Variants in SPTA1 observed in about 807,000 individuals in gnomAD.
The protein encoded by SPTA1 is spectrin alpha, erythrocytic 1.
A neutral mutation model predicts 324.7 loss-of-function variants in SPTA1; 177 were observed. That is an observed-to-expected ratio of 0.55 (90% CI 0.48 to 0.62). The LOEUF is 0.62. SPTA1 is among the 20% of genes least tolerant of loss of function. SPTA1 has a pLI of 0.00. For missense variants in SPTA1, 3,162 were observed against 2,883.6 expected (o/e 1.10, Z -2.21); for synonymous variants, 1,195 against 1,041.3 (o/e 1.15, Z -2.84).
At chr1:158,674,480 T>A (rs200325552) in intron 9 of SPTA1, 50 bp from the exon 10 acceptor site, 1 of 1,614,088 alleles carries the variant, frequency 6.2e-7, no homozygotes, top group Middle Eastern at 1.7e-4. Flanking sequence ...AACCTGGCAT[T>A]TCTGGCATTC....
At position 158,651,440 on chromosome 1, in the gene SPTA1, C is replaced by T; in HGVS notation, c.3404G>A (p.Arg1135Lys). The T allele has an allele frequency of 1.1e-5, 17 of 1,613,690 alleles. No homozygotes were observed. Among genetic ancestry groups the T allele is most frequent in the Non-Finnish European group, 1.4e-5 (16 of 1,179,736 alleles). Residue 1135 changes from arginine (R) to lysine (K), a missense_variant, in exon 24 of 52, where the codon AGG becomes AAG. Arg to Lys is a conservative substitution (Grantham distance 26). Coordinates refer to ENST00000643759, the MANE Select transcript of SPTA1 (RefSeq NM_003126.4). The part of the protein sequence containing the change: ...KDLNTNEPRL[R>K]DINKVADDLL... Reference sequence around the variant, plus strand: ...ATCATCAGCTACCTTGTTGATATCCCTTAGCCGAGGCTCATTGGTATTCAA... The same window carrying T: ...ATCATCAGCTACCTTGTTGATATCCTTTAGCCGAGGCTCATTGGTATTCAA...
Position 158,668,187 on chromosome 1 carries a change from G to A in SPTA1, c.1834-125C>T. 8.3e-6 allele frequency: 9 copies of A among 1,085,142 alleles called. No homozygotes were observed. The South Asian group carries it at 1.1e-4, about 13-fold the overall frequency. The allele number at this position is 1,085,142 out of a possible 1,614,324, so 67.2% of individuals were successfully genotyped here. ...CGATGCTAACAAGAAGATAAAAGGG[G>A]GAAGTTTCCTAGTCCAACGTTTGAG... On this transcript the variant is annotated intron_variant, in intron 14 of 51. Transcript: ENST00000643759.
At position 158,644,363 on chromosome 1, in the gene SPTA1, A is replaced by T; in HGVS notation, c.4228T>A (p.Trp1410Arg). 3.1e-6 allele frequency: 5 copies of T among 1,613,896 alleles called. No homozygotes were observed. The highest frequency in any genetic ancestry group is 4.2e-6 in the Non-Finnish European group (5 of 1,179,866). ...AGGGAATTCTCACGTGCCACCATCC[A>T]GCTCTCAACTTGATCACAGTTCCCC... is the stretch of plus-strand genomic sequence containing the variant. ...FQGNCDQVES[W>R]MVARENSLRS... The change falls in exon 30 of 52, where the codon TGG becomes AGG. Residue 1410 changes from tryptophan (W) to arginine (R), a missense_variant. Trp to Arg is a moderately radical substitution (Grantham distance 101, BLOSUM62 -3). Coordinates refer to ENST00000643759, the MANE Select transcript of SPTA1 (RefSeq NM_003126.4).
rs1654820473 is a variant in SPTA1 at position 158,681,632 on chromosome 1, C to A, written c.426G>T (p.Leu142=). ...CCTTCTCCAGGGTCAGCTCTAACAG[C>A]AGGTCCCACAGGTGGCGTAGCTCCT... ...HIEELRHLWD[L]LLELTLEKGD... is the part of the protein sequence containing the mutation. The change falls in exon 4 of 52, where the codon CTG becomes CTT. Residue 142 remains leucine (L), a synonymous_variant. Coordinates refer to ENST00000643759, the MANE Select transcript of SPTA1 (RefSeq NM_003126.4). 1 of 1,613,644 alleles carries A rather than the reference C, an allele frequency of 6.2e-7. No homozygotes were observed. The highest frequency in any genetic ancestry group is 1.3e-5 in the African/African-American group (1 of 74,878).
intron 47 of SPTA1, 136 bp downstream of exon 47, chr1:158,617,401 A>T (rs1649621704): frequency 4.1e-6 from 3 of 723,056 alleles, no homozygotes; most frequent in Non-Finnish European, 7.5e-6. Context: ...TATATTCATG[A>T]TGTGATGGCC....
In SPTA1 at chr1:158,642,808, A is replaced by T; in HGVS notation, c.4605+6T>A. On this transcript the variant is annotated splice_donor_region_variant and intron_variant, in intron 32 of 51. Coordinates refer to ENST00000643759, the MANE Select transcript of SPTA1 (RefSeq NM_003126.4). ...AAATTTTCCAAGATTCCTATTTTGA[A>T]CTTGCCTGAATGTTAGTGGCGTCTT... is the stretch of plus-strand genomic sequence containing the variant. 1 of 1,613,862 alleles carries T rather than the reference A, an allele frequency of 6.2e-7. No homozygotes were observed. The highest frequency in any genetic ancestry group is 8.5e-7 in the Non-Finnish European group (1 of 1,179,840).
chr1:158,671,302 CAG>C (rs1654006107), intron 12 of SPTA1, 39 bp downstream of exon 12: 1 of 1,453,356 alleles, frequency 6.9e-7, no homozygotes, highest in East Asian at 2.3e-5. Context: ...ATTATGTATA[CAG>C]AGAGGGAGCC....
Position 158,611,131 on chromosome 1 carries a change from GCACACACACACACACACACA to G in SPTA1, c.*113_*132del. 1.5e-6 allele frequency: 1 copy of G among 670,344 alleles called. No individual in the cohort carries two copies. The allele number at this position is 670,344 out of a possible 1,614,324, so 41.5% of individuals were successfully genotyped here. A position where few individuals can be genotyped will look rare whatever the true frequency, so the allele number is the denominator to read the frequency against. On this transcript the variant is annotated 3_prime_UTR_variant, in exon 52 of 52. Transcript: ENST00000643759. ...AAATGTAATATGCACACAAACACAA[GCACACACACACACACACACA>G]CACACACACACACACGAGGCCATCT...
Position 158,685,101 on chromosome 1 carries a change from G to C in SPTA1, c.264+7C>G. The stretch of plus-strand genomic sequence containing the variant: ...CTGCTCTGAGGCAATCAAGAGAACT[G>C]AGTGACCTGTATATTAGTTGGGTCT... On this transcript the variant is annotated splice_region_variant and intron_variant, in intron 2 of 51. Transcript: ENST00000643759. 2 of 1,613,550 alleles carry C rather than the reference G, an allele frequency of 1.2e-6. No individual in the cohort carries two copies. Among genetic ancestry groups the C allele is most frequent in the Non-Finnish European group, 1.7e-6 (2 of 1,179,702 alleles).
Position 158,676,143 on chromosome 1 carries a change from A to G in SPTA1, c.1110T>C (p.Tyr370=), listed in dbSNP as rs1330551570. Residue 370 remains tyrosine, a splice_region_variant and synonymous_variant, in exon 8 of 52, where the codon TAT becomes TAC. Transcript: ENST00000643759. The part of the protein sequence containing the change: ...TSRYEKLQAT[Y]WYHRFSSDFD... ...AATAAAGGGGAGGGATTTCCCACCA[A>G]TAAGTAGCCTGCAGTTTTTCATATC... The G allele has an allele frequency of 9.9e-6, 16 of 1,613,532 alleles. No homozygotes were observed. Among genetic ancestry groups the G allele is most frequent in the Middle Eastern group, 1.7e-4 (1 of 6,012 alleles).
At chr1:158,614,212 C>G (rs1274889351) in intron 49 of SPTA1, 41 bp downstream of exon 49, 1 of 1,417,716 alleles carries the variant, frequency 7.1e-7, no homozygotes, top group Admixed American at 1.7e-5. Context: ...TCTGAATAAT[C>G]TGAAAAACAA....
At chr1:158,635,542 A>T (rs2101805032) in intron 38 of SPTA1, among the ~76,000 whole-genome samples, 1 of 152,324 alleles carries the variant, frequency 6.6e-6, no homozygotes, top group East Asian at 1.9e-4. Context: ...ATATGGCTAT[A>T]GGGAAAAATA....
intron 47 of SPTA1, among the ~76,000 whole-genome samples, chr1:158,616,439 A>G (rs567654452): frequency 3.3e-5 from 5 of 152,178 alleles, no homozygotes; most frequent in African/African-American, 1.2e-4. Context: ...GTAATCTCCA[A>G]TATACTCTCT....
intron 50 of SPTA1, 100 bp downstream of exon 50, chr1:158,613,621 A>G: frequency 6.4e-7 from 1 of 1,552,972 alleles, no homozygotes; most frequent in Non-Finnish European, 8.9e-7. Context: ...TCCTATTTTC[A>G]GATGAGTTAA....
chr1:158,653,473 A>G (rs1278576576), intron 21 of SPTA1, 48 bp from the exon 22 acceptor site: 1 of 1,610,958 alleles, frequency 6.2e-7, no homozygotes, highest in Admixed American at 1.7e-5. Flanking sequence ...TTGGAAAAGC[A>G]ACAAACGGGA....
rs898254794 is a variant in SPTA1, at chr1:158,634,679, T to A, written c.5433-4A>T. ...GGATTCTTCCAACTTAAGTCCTCTA[T>A]AACAAGGTGGCAAGCCCCAGTGAGG... is the stretch of plus-strand genomic sequence containing the variant. On this transcript the variant is annotated splice_polypyrimidine_tract_variant and splice_region_variant and intron_variant, in intron 38 of 51. Transcript: ENST00000643759. 1.2e-6 allele frequency: 2 copies of A among 1,614,054 alleles called. No individual in the cohort carries two copies. Among genetic ancestry groups the A allele is most frequent in the Non-Finnish European group, 1.7e-6 (2 of 1,180,004 alleles).
intron 2 of SPTA1, among the ~76,000 whole-genome samples, chr1:158,684,206 A>G (rs1655014469): frequency 6.6e-6 from 1 of 152,158 alleles, no homozygotes; most frequent in Middle Eastern, 3.4e-3. Flanking sequence ...CCAAACTTCT[A>G]CTGAAACCTC....
chr1:158,686,614 G>C lies in SPTA1; in HGVS notation c.-97C>G. 1 of 959,242 alleles carries C rather than the reference G, an allele frequency of 1.0e-6. No individual in the cohort carries two copies. Among genetic ancestry groups the C allele is most frequent in the African/African-American group, 1.7e-5 (1 of 59,086 alleles). 59.4% of individuals were successfully genotyped at this position (959,242 alleles called of 1,614,324 possible). A position where few individuals can be genotyped will look rare whatever the true frequency, so the allele number is the denominator to read the frequency against. On this transcript the variant is annotated 5_prime_UTR_variant, in exon 1 of 52. Coordinates refer to ENST00000643759, the MANE Select transcript of SPTA1 (RefSeq NM_003126.4). ...GGAACTGTCCAGTCGAATTCAAATA[G>C]AAATATAGAAACGTTAAGTATGTGG... is the stretch of plus-strand genomic sequence containing the variant.
In SPTA1 at chr1:158,612,911, T is replaced by A; in HGVS notation, c.7040A>T (p.Glu2347Val). Reference sequence around the variant, plus strand: ...ATCACTGGACTTGATGTTTTCTGACTCCTTGTCAATCAGGAAAGCAGTATA... The same window carrying A: ...ATCACTGGACTTGATGTTTTCTGACACCTTGTCAATCAGGAAAGCAGTATA... ...EDYTAFLIDKESENIKSSDEI... is the reference protein window; with the variant it reads ...EDYTAFLIDKVSENIKSSDEI... Residue 2347 changes from glutamate to valine, a missense_variant, in exon 51 of 52, where the codon GAG becomes GTG. Transcript: ENST00000643759. The A allele has an allele frequency of 6.2e-7, 1 of 1,613,936 alleles. No homozygotes were observed. The highest frequency in any genetic ancestry group is 1.1e-5 in the South Asian group (1 of 91,082).
Sources: gnomAD v4.1 joint callset for allele counts (sites outside exome capture counted in the v4.1 genomes callset) on GRCh38, gnomAD v4.1.1 for gene constraint, MANE v1.5 for transcripts, NCBI Gene and HGNC (gene_info 2026-07-23, HGNC 2026-07-21) for gene names.